The following PLA2G4C variants were observed in gnomAD, a reference collection of about 807,000 sequenced individuals.
PLA2G4C encodes phospholipase A2 group IVC, also known as cytosolic phospholipase A2 gamma.
PLA2G4C carries 64 observed loss-of-function variants against 73.8 expected under a neutral mutation model. The ratio of observed to expected loss-of-function variants is 0.87; its 90% CI spans 0.71 to 1.07. PLA2G4C has a LOEUF of 1.07. PLA2G4C is among the 50% of genes least tolerant of loss of function. PLA2G4C has a pLI of 0.00. For missense variants in PLA2G4C, 622 were observed against 665.4 expected, an observed-to-expected ratio of 0.93 and a Z score of 0.72; for synonymous variants, 254 against 252.1, an observed-to-expected ratio of 1.01 and a Z score of -0.07.
intron 5 of PLA2G4C, among the ~76,000 whole-genome samples, chr19:48,098,713 TAAAAAAAAAAAA>T (rs548688675): frequency 0.095 from 2,939 of 30,816 alleles, 95 homozygotes; most frequent in African/African-American, 0.11. Context: ...ACCCTATCTC[TAAAAAAAAAAAA>T]AAAAAAAAAA....
rs540323208 is a variant in PLA2G4C at position 48,086,350 on chromosome 19, A to G, written c.791-1238T>C. 1.7e-4 allele frequency among the ~76,000 whole-genome samples: 25 copies of G among 151,300 alleles called. No individual in the cohort carries two copies. In the East Asian group the frequency reaches 4.3e-3, roughly 26 times the overall value. On this transcript the variant is annotated intron_variant, in intron 9 of 16. Transcript: ENST00000599921. The stretch of plus-strand genomic sequence containing the variant: ...GGCTTACTGCCACCTGCCACTCCCC[A>G]CTCCCTACACAAACTCTTCTGTGCA...
chr19:48,069,908 G>A (rs12974803), intron 12 of PLA2G4C, among the ~76,000 whole-genome samples: 1,722 of 152,208 alleles, frequency 0.011, 10 homozygotes, highest in Non-Finnish European at 0.017. Context: ...AGGACCACAG[G>A]CACCCACCAC....
chr19:48,088,640 C>T (rs768336513), intron 9 of PLA2G4C, 46 bp downstream of exon 9: 135 of 1,425,062 alleles, frequency 9.5e-5, no homozygotes, highest in Admixed American at 8.0e-4. Flanking sequence ...AGCAAGTGTG[C>T]GGTCCCCATT....
Position 48,077,763 on chromosome 19 carries a change from A to T in PLA2G4C, c.898+8T>A. On this transcript the variant is annotated splice_region_variant and intron_variant, in intron 11 of 16. Coordinates refer to ENST00000599921, the MANE Select transcript of PLA2G4C (RefSeq NM_003706.3). ...CATTAGGGATTCATGGCAAAGTAGGATGCTTACCTTCTGGGGGAGGATGTT... is the reference window on the plus strand; with the variant it reads ...CATTAGGGATTCATGGCAAAGTAGGTTGCTTACCTTCTGGGGGAGGATGTT... 2.5e-6 allele frequency: 4 copies of T among 1,601,604 alleles called. No homozygotes were observed. The South Asian group carries it at 4.5e-5, about 18-fold the overall frequency.
At chr19:48,054,016 T>C (rs1967831413) in intron 15 of PLA2G4C, among the ~76,000 whole-genome samples, 1 of 152,024 alleles carries the variant, frequency 6.6e-6, no homozygotes, top group Non-Finnish European at 1.5e-5. Flanking sequence ...TGCATAAACA[T>C]GCAAGACCGA....
At chr19:48,099,495 C>A (rs1225019720) in intron 5 of PLA2G4C, among the ~76,000 whole-genome samples, 176 bp downstream of exon 5, 2 of 152,100 alleles carry the variant, frequency 1.3e-5, no homozygotes, top group African/African-American at 4.8e-5. Flanking sequence ...CACTTGCAAC[C>A]ACAGTAATCC....
At position 48,099,796 on chromosome 19, in the gene PLA2G4C, G is replaced by A. The variant is rs1256121289; in HGVS notation, c.322C>T (p.Arg108Ter). The A allele has an allele frequency of 1.4e-5, 23 of 1,613,608 alleles. No individual in the cohort carries two copies. The highest frequency in any genetic ancestry group is 3.3e-5 in the Admixed American group (2 of 59,986). Residue 108 changes from arginine (R) to a stop codon, truncating the protein, a stop_gained, in exon 5 of 17, where the codon CGA becomes TGA. Transcript: ENST00000599921. LOFTEE classifies it high-confidence loss of function. Reference sequence around the variant, plus strand: ...AAGTCCCACTCCTGTCGGGTAAATCGATGTTTCAGGTCAGCCTCGAGAGCT... The same window carrying A: ...AAGTCCCACTCCTGTCGGGTAAATCAATGTTTCAGGTCAGCCTCGAGAGCT... ...MEALEADLKH[R>*]FTRQEWDLAK...
chr19:48,075,521 G>A (rs1480568045), intron 11 of PLA2G4C, among the ~76,000 whole-genome samples: 4 of 151,922 alleles, frequency 2.6e-5, no homozygotes, highest in Non-Finnish European at 5.9e-5. Flanking sequence ...TCATGAATTA[G>A]ATGATGTTCA....
At chr19:48,082,496 C>CTTTTTTTTTTTTTTTTTTTTTT (rs66641645) in intron 10 of PLA2G4C, among the ~76,000 whole-genome samples, 2 of 106,280 alleles carry the variant, frequency 1.9e-5, no homozygotes, top group East Asian at 2.8e-4. Context: ...TTCTTTCTTT[C>CTTTTTTTTTTTTTTTTTTTTTT]TTTTTTTTTT....
chr19:48,106,501 G>GA, intron 2 of PLA2G4C, 21 bp downstream of exon 2: 1 of 1,585,760 alleles, frequency 6.3e-7, no homozygotes, highest in African/African-American at 1.3e-5. Flanking sequence ...CCCCATAGTG[G>GA]TCAGCTCTAA....
intron 8 of PLA2G4C, 144 bp downstream of exon 8, chr19:48,090,220 T>C: frequency 1.5e-6 from 1 of 680,670 alleles, no homozygotes; most frequent in Non-Finnish European, 2.6e-6. Flanking sequence ...GGCTGCCCAA[T>C]TATATGAGAA....
chr19:48,084,311 G>A (rs1291620353), intron 10 of PLA2G4C, among the ~76,000 whole-genome samples: 1 of 151,826 alleles, frequency 6.6e-6, no homozygotes, highest in African/African-American at 2.4e-5. Context: ...CTGTCCGCCT[G>A]GGCCTCCCAA....
At chr19:48,086,854 A>G (rs2031008701) in intron 9 of PLA2G4C, among the ~76,000 whole-genome samples, 1 of 152,206 alleles carries the variant, frequency 6.6e-6, no homozygotes, top group Admixed American at 6.5e-5. Flanking sequence ...TATAACTAGC[A>G]TTCAAGGAAG....
intron 3 of PLA2G4C, 90 bp from the exon 4 acceptor site, chr19:48,104,814 G>C (rs2032087359): frequency 7.7e-7 from 1 of 1,304,424 alleles, no homozygotes; most frequent in Non-Finnish European, 1.1e-6. Context: ...CGGGCACCGT[G>C]GCTCACGCCT....
intron 16 of PLA2G4C, among the ~76,000 whole-genome samples, chr19:48,050,013 C>T (rs1967663788): frequency 6.6e-6 from 1 of 152,190 alleles, no homozygotes; most frequent in African/African-American, 2.4e-5. Flanking sequence ...CCTCCACCTT[C>T]TGGGTTCAAG....
chr19:48,083,384 TTTC>T (rs1359820719), intron 10 of PLA2G4C, among the ~76,000 whole-genome samples: 18 of 109,726 alleles, frequency 1.6e-4, no homozygotes, highest in Non-Finnish European at 2.4e-4. Flanking sequence ...TGTTGTTGAT[TTTC>T]TTTTCTTTTT....
intron 6 of PLA2G4C, 42 bp from the exon 7 acceptor site, chr19:48,095,646 C>G (rs368076784): frequency 6.2e-7 from 1 of 1,607,164 alleles, no homozygotes; most frequent in African/African-American, 1.3e-5. Flanking sequence ...CAGCACAGAA[C>G]CAGGAATGTA....
Position 48,075,045 on chromosome 19 carries a change from C to T in PLA2G4C, c.899-171G>A, listed in dbSNP as rs374898038. 4.6e-5 allele frequency among the ~76,000 whole-genome samples: 7 copies of T among 152,130 alleles called. No individual in the cohort carries two copies. The East Asian group carries it at 1.3e-3, about 29-fold the overall frequency. ...CCTTCTGCTGACCCCCATGTTACCTCACTCTCTCTGACTTTCTGGCCTCTT... is the reference window on the plus strand; with the variant it reads ...CCTTCTGCTGACCCCCATGTTACCTTACTCTCTCTGACTTTCTGGCCTCTT... On this transcript the variant is annotated intron_variant, in intron 11 of 16. Coordinates refer to ENST00000599921, the MANE Select transcript of PLA2G4C (RefSeq NM_003706.3).
intron 14 of PLA2G4C, among the ~76,000 whole-genome samples, chr19:48,055,534 T>C (rs1304236266): frequency 6.6e-6 from 1 of 151,940 alleles, no homozygotes; most frequent in Non-Finnish European, 1.5e-5. Context: ...TCATCACCTC[T>C]GCAAAGGATC....
Sources: allele counts gnomAD v4.1 joint callset (sites outside exome capture counted in the v4.1 genomes callset), GRCh38; gene constraint gnomAD v4.1.1; transcripts MANE v1.5; gene names NCBI Gene and HGNC (gene_info 2026-07-23, HGNC 2026-07-21).